The following SMOC1 variants were observed in gnomAD, a reference collection of about 807,000 sequenced individuals.
The protein encoded by SMOC1 is SPARC related modular calcium binding 1.
SMOC1 carries 22 observed loss-of-function variants against 56.3 expected under a neutral mutation model. The observed-to-expected ratio is 0.39, with a 90% CI of 0.28 to 0.56. The LOEUF is 0.56. Among genes scored for constraint, SMOC1 ranks in the 20% least tolerant of loss-of-function variants. The pLI, the probability that SMOC1 is intolerant of heterozygous loss-of-function variation, is 0.61. For synonymous variants in SMOC1, 193 were observed against 215.0 expected, an observed-to-expected ratio of 0.90 and a Z score of 0.89; for missense variants, 509 against 565.4, an observed-to-expected ratio of 0.90 and a Z score of 1.01.
chr14:69,924,673 AAGGTAAGGGAGAGGGG>A (rs1884943627), intron 1 of SMOC1, among the ~76,000 whole-genome samples: 1 of 94,162 alleles, frequency 1.1e-5, no homozygotes, highest in South Asian at 4.1e-4. Flanking sequence ...GGAGCTAGGG[AAGGTAAGGGAGAGGGG>A]AGGTAAGGGA....
intron 1 of SMOC1, among the ~76,000 whole-genome samples, chr14:69,910,702 G>C (rs78663340): frequency 0.083 from 12,666 of 152,050 alleles, 730 homozygotes; most frequent in Non-Finnish European, 0.12. Context: ...AAGAGAGACA[G>C]ACTGTGTGTA....
At chr14:69,922,822 A>G (rs1362326696) in intron 1 of SMOC1, among the ~76,000 whole-genome samples, 1 of 152,102 alleles carries the variant, frequency 6.6e-6, no homozygotes, top group Non-Finnish European at 1.5e-5. Flanking sequence ...ACTGAAAACC[A>G]ACAGAAGTTA....
At chr14:69,963,711 A>T (rs1335485856) in intron 3 of SMOC1, among the ~76,000 whole-genome samples, 1 of 152,152 alleles carries the variant, frequency 6.6e-6, no homozygotes, top group East Asian at 1.9e-4. Context: ...TTCCTGTGGG[A>T]GGTCAAGGTG....
At chr14:69,917,300 T>C (rs1884711043) in intron 1 of SMOC1, among the ~76,000 whole-genome samples, 1 of 152,214 alleles carries the variant, frequency 6.6e-6, no homozygotes, top group Non-Finnish European at 1.5e-5. Flanking sequence ...CTTAGACAGT[T>C]GGCCCAAACA....
intron 1 of SMOC1, among the ~76,000 whole-genome samples, chr14:69,930,203 C>CCCTT (rs1479230444): frequency 3.3e-5 from 5 of 151,774 alleles, no homozygotes; most frequent in African/African-American, 1.2e-4. Flanking sequence ...CCTGACAGCA[C>CCCTT]CCTTCTCACC....
intron 5 of SMOC1, among the ~76,000 whole-genome samples, chr14:69,980,946 C>T (rs149364274): frequency 1.3e-3 from 199 of 152,194 alleles, no homozygotes; most frequent in African/African-American, 4.6e-3. Flanking sequence ...CTCCACTGAC[C>T]GGGCTGGGAG....
chr14:69,929,218 C>T (rs1002134762), intron 1 of SMOC1, among the ~76,000 whole-genome samples: 1 of 152,162 alleles, frequency 6.6e-6, no homozygotes, highest in African/African-American at 2.4e-5. Context: ...TTTGCTGAAG[C>T]CTTTCCCTTC....
At chr14:69,886,434 A>G (rs1441516012) in intron 1 of SMOC1, among the ~76,000 whole-genome samples, 3 of 152,234 alleles carry the variant, frequency 2.0e-5, no homozygotes, top group African/African-American at 7.2e-5. Flanking sequence ...ATGATGTCCA[A>G]CCTGAACCCC....
chr14:70,000,068 A>T (rs1028214366), intron 7 of SMOC1, among the ~76,000 whole-genome samples: 1 of 152,154 alleles, frequency 6.6e-6, no homozygotes, highest in Non-Finnish European at 1.5e-5. Context: ...AGGTATTGTC[A>T]TTGGCTCATT....
chr14:69,991,866 C>G (rs1425734568), intron 5 of SMOC1, among the ~76,000 whole-genome samples: 1 of 152,094 alleles, frequency 6.6e-6, no homozygotes, highest in Admixed American at 6.5e-5. Context: ...TTCCTGCCTT[C>G]TTATCTGTTT....
Position 70,011,513 on chromosome 14 carries a change from G to C in SMOC1, c.886G>C (p.Ala296Pro). The change falls in exon 9 of 12, where the codon GCC (alanine) becomes CCC (proline). Residue 296 changes from alanine to proline, a missense_variant. Around this residue, in one of 3 missense-constraint regions of SMOC1, gnomAD observed 176 missense variants for 188.1 expected, o/e 0.94. Transcript: ENST00000361956. Reference sequence around the variant, plus strand: ...CGTGATGCCCAGTTGTGAGAGCGACGCCAGGGCCAAGACTACAGAGGCGGA... The same window carrying C: ...CGTGATGCCCAGTTGTGAGAGCGACCCCAGGGCCAAGACTACAGAGGCGGA... ...RYVMPSCESD[A>P]RAKTTEADDP... is the part of the protein sequence containing the mutation. 6.4e-7 allele frequency: 1 copy of C among 1,573,190 alleles called. No homozygotes were observed.
chr14:69,998,447 CAG>C (rs1459532405), intron 7 of SMOC1, among the ~76,000 whole-genome samples: 2 of 148,874 alleles, frequency 1.3e-5, no homozygotes, highest in Admixed American at 1.3e-4. Context: ...TTTTTTAAAT[CAG>C]GGGTTGGCTA....
intron 1 of SMOC1, among the ~76,000 whole-genome samples, chr14:69,880,103 C>T (rs990110904): frequency 4.0e-5 from 6 of 151,724 alleles, no homozygotes; most frequent in Non-Finnish European, 5.9e-5. Flanking sequence ...GCTCGCTCTC[C>T]GCTCATGCAG....
intron 1 of SMOC1, among the ~76,000 whole-genome samples, chr14:69,950,849 G>C (rs896200323): frequency 6.6e-6 from 1 of 152,176 alleles, no homozygotes; most frequent in Non-Finnish European, 1.5e-5. Flanking sequence ...CCTTGATCTG[G>C]TCGATTGTTG....
chr14:69,882,340 A>G (rs1026129350), intron 1 of SMOC1, among the ~76,000 whole-genome samples: 4 of 152,204 alleles, frequency 2.6e-5, no homozygotes, highest in Non-Finnish European at 4.4e-5. Context: ...CTAGGAAACC[A>G]AGAGCATGCC....
At chr14:69,990,054 GACCCTACCCTGC>G (rs1884506635) in intron 5 of SMOC1, among the ~76,000 whole-genome samples, 2 of 152,286 alleles carry the variant, frequency 1.3e-5, no homozygotes, top group South Asian at 4.1e-4. Flanking sequence ...CACCCTCAGT[GACCCTACCCTGC>G]AGGAAGATTC....
intron 1 of SMOC1, among the ~76,000 whole-genome samples, chr14:69,927,428 C>T (rs939787394): frequency 1.3e-5 from 2 of 152,190 alleles, no homozygotes; most frequent in Admixed American, 6.5e-5. Flanking sequence ...CACCTGTAAT[C>T]CCAGCACTTT....
At chr14:69,981,738 C>T (rs1884185413) in intron 5 of SMOC1, among the ~76,000 whole-genome samples, 1 of 152,194 alleles carries the variant, frequency 6.6e-6, no homozygotes, top group Admixed American at 6.5e-5. Context: ...AGATTGGAAG[C>T]AGAATGGTTT....
chr14:69,991,652 T>C (rs1594842822), intron 5 of SMOC1, among the ~76,000 whole-genome samples: 2 of 152,194 alleles, frequency 1.3e-5, no homozygotes, highest in South Asian at 2.1e-4. Context: ...ATTAGGACTT[T>C]GTTACTGGGA....
Sources: allele counts gnomAD v4.1 joint callset (sites outside exome capture counted in the v4.1 genomes callset), GRCh38; gene constraint gnomAD v4.1.1; regional missense constraint gnomAD v4.1.1; transcripts MANE v1.5; gene names NCBI Gene and HGNC (gene_info 2026-07-23, HGNC 2026-07-21).